ZSCAN25: variants seen among roughly 807,000 people sequenced by gnomAD.
ZSCAN25 encodes zinc finger and SCAN domain-containing protein 25.
ZSCAN25 carries 27 observed loss-of-function variants against 38.7 expected under a neutral mutation model. The ratio of observed to expected loss-of-function variants is 0.70; its 90% CI spans 0.51 to 0.96. The LOEUF (loss-of-function observed/expected upper bound fraction) is 0.96. Ranked by LOEUF, ZSCAN25 falls within the 40% of genes least tolerant of loss-of-function variation. The pLI, the probability that ZSCAN25 is intolerant of heterozygous loss-of-function variation, is 0.00. For missense variants in ZSCAN25, 637 were observed against 705.9 expected (o/e 0.90, Z 1.11); for synonymous variants, 273 against 277.7 (o/e 0.98, Z 0.17).
the ZSCAN25 span, among the ~76,000 whole-genome samples, chr7:99,688,342 G>A: frequency 8.2e-3 from 1,252 of 151,922 alleles, 6 homozygotes; most frequent in Middle Eastern, 0.024. Flanking sequence ...CCAAGCAAAT[G>A]GACAACAAAA....
chr7:99,675,745 G>A, the ZSCAN25 span, among the ~76,000 whole-genome samples: 1 of 124,400 alleles, frequency 8.0e-6, no homozygotes, highest in East Asian at 2.3e-4. Flanking sequence ...CCAAGCTGGA[G>A]TGCAGTGGTG....
chr7:99,624,464 G>A (rs1380578055), intron 7 of ZSCAN25: 2 of 407,468 alleles, frequency 4.9e-6, no homozygotes, highest in Admixed American at 3.5e-5. Flanking sequence ...TAAAGACACT[G>A]AGGGCTTGAG....
At chr7:99,620,144 T>A in intron 4 of ZSCAN25, 151 bp downstream of exon 4, 2 of 1,198,570 alleles carry the variant, frequency 1.7e-6, no homozygotes, top group Non-Finnish European at 2.3e-6. Flanking sequence ...TGGAGAGCAG[T>A]GGCGTTTTCA....
downstream of ZSCAN25, among the ~76,000 whole-genome samples, chr7:99,634,567 A>G (rs1808192627): frequency 6.6e-6 from 1 of 152,192 alleles, no homozygotes. Context: ...AGGCAGGTGG[A>G]TCACAAGGTC....
chr7:99,663,504 ACACT>A, the ZSCAN25 span: 1 of 990,546 alleles, frequency 1.0e-6, no homozygotes, highest in South Asian at 4.6e-5. Flanking sequence ...AGGCTGTGAA[ACACT>A]CACATTTACC....
chr7:99,710,746 C>T, the ZSCAN25 span: 3 of 1,613,836 alleles, frequency 1.9e-6, no homozygotes, highest in Non-Finnish European at 2.5e-6. Context: ...TTGGGTAAAA[C>T]TGTATCAATT....
chr7:99,681,154 A>T, the ZSCAN25 span, among the ~76,000 whole-genome samples: 14 of 152,210 alleles, frequency 9.2e-5, no homozygotes, highest in African/African-American at 2.9e-4. Flanking sequence ...TTCATGGCTG[A>T]ATTGTGCTCC....
the ZSCAN25 span, among the ~76,000 whole-genome samples, chr7:99,697,473 A>G: frequency 2.0e-5 from 3 of 152,240 alleles, no homozygotes; most frequent in South Asian, 2.1e-4. Flanking sequence ...TATGGTGTAT[A>G]TAAATGGATC....
the ZSCAN25 span, among the ~76,000 whole-genome samples, chr7:99,681,660 A>T: frequency 6.6e-6 from 1 of 151,878 alleles, no homozygotes; most frequent in Non-Finnish European, 1.5e-5. Context: ...GGATTATTAG[A>T]TTTTTCCTTA....
chr7:99,687,242 TC>T, the ZSCAN25 span, among the ~76,000 whole-genome samples: 1 of 152,160 alleles, frequency 6.6e-6, no homozygotes, highest in Non-Finnish European at 1.5e-5. Context: ...AGGAGGAACT[TC>T]AAACCAATGG....
the ZSCAN25 span, chr7:99,717,769 A>AT: frequency 1.7e-6 from 2 of 1,180,184 alleles, no homozygotes; most frequent in Non-Finnish European, 2.4e-6. Flanking sequence ...GACAGGCCCT[A>AT]TGACAGATGC....
At chr7:99,709,021 C>T in the ZSCAN25 span, 2 of 1,613,816 alleles carry the variant, frequency 1.2e-6, no homozygotes, top group Non-Finnish European at 1.7e-6. Context: ...GCTCCCTTCC[C>T]AGGGGCCTCC....
At chr7:99,658,550 A>G in the ZSCAN25 span, among the ~76,000 whole-genome samples, 1 of 152,000 alleles carries the variant, frequency 6.6e-6, no homozygotes, top group Non-Finnish European at 1.5e-5. Context: ...GAATCTGACA[A>G]TTATGTGTCT....
At chr7:99,731,782 A>G in the ZSCAN25 span, among the ~76,000 whole-genome samples, 2 of 152,078 alleles carry the variant, frequency 1.3e-5, no homozygotes, top group South Asian at 2.1e-4. Context: ...CAGATTGACA[A>G]CTGTGCTCCA....
At chr7:99,681,884 G>T in the ZSCAN25 span, among the ~76,000 whole-genome samples, 2 of 152,220 alleles carry the variant, frequency 1.3e-5, no homozygotes, top group African/African-American at 4.8e-5. Context: ...GTTTTGCCCA[G>T]ACCAATATCC....
chr7:99,683,107 G>T, the ZSCAN25 span, among the ~76,000 whole-genome samples: 1 of 152,162 alleles, frequency 6.6e-6, no homozygotes, highest in Non-Finnish European at 1.5e-5. Flanking sequence ...ACATTACTTG[G>T]AAATCATTTG....
At chr7:99,707,423 G>A in the ZSCAN25 span, among the ~76,000 whole-genome samples, 1 of 152,174 alleles carries the variant, frequency 6.6e-6, no homozygotes, top group Non-Finnish European at 1.5e-5. Flanking sequence ...GGGAGCCACT[G>A]TCATGAGAAA....
chr7:99,621,671 C>A, intron 5 of ZSCAN25, 97 bp downstream of exon 5: 1 of 1,028,216 alleles, frequency 9.7e-7, no homozygotes, highest in Non-Finnish European at 1.3e-6. Context: ...AACTAAGTTA[C>A]CCACGAGGTG....
chr7:99,720,785 G>T, the ZSCAN25 span: 4 of 224,446 alleles, frequency 1.8e-5, no homozygotes, highest in African/African-American at 6.7e-5. Context: ...CCTTTATAAA[G>T]AGTATTAGGT....
Sources: gnomAD v4.1 joint callset for allele counts (sites outside exome capture counted in the v4.1 genomes callset) on GRCh38, gnomAD v4.1.1 for gene constraint, MANE v1.5 for transcripts, NCBI Gene and HGNC (gene_info 2026-07-23, HGNC 2026-07-21) for gene names.